RBFOX1: variants seen among roughly 807,000 people sequenced by gnomAD.
RBFOX1 encodes RNA binding protein fox-1 homolog 1.
In RBFOX1, 8 loss-of-function variants were observed where a neutral mutation model predicts 57.7. That is an observed-to-expected ratio of 0.14 (90% CI 0.08 to 0.25). The LOEUF (loss-of-function observed/expected upper bound fraction) is 0.25. RBFOX1 is among the 10% of genes least tolerant of loss of function. The pLI, the probability that RBFOX1 is intolerant of heterozygous loss-of-function variation, is 1.00. For synonymous variants in RBFOX1, 326 were observed against 222.4 expected (o/e 1.47, Z -4.15); for missense variants, 611 against 548.5 (o/e 1.11, Z -1.14).
intron 2 of RBFOX1, among the ~76,000 whole-genome samples, chr16:6,496,413 A>G (rs148059705): frequency 5.3e-5 from 8 of 152,260 alleles, no homozygotes; most frequent in African/African-American, 1.9e-4. Flanking sequence ...GAATAGCTAG[A>G]TTGTGTTTCT....
intron 4 of RBFOX1, among the ~76,000 whole-genome samples, chr16:5,965,727 C>T (rs1256612440): frequency 6.6e-6 from 1 of 152,120 alleles, no homozygotes; most frequent in Non-Finnish European, 1.5e-5. Flanking sequence ...CTAATTTTGC[C>T]TCTGAGTGAG....
At chr16:6,712,370 T>C (rs1286973049) in intron 3 of RBFOX1, among the ~76,000 whole-genome samples, 1 of 152,162 alleles carries the variant, frequency 6.6e-6, no homozygotes, top group African/African-American at 2.4e-5. Flanking sequence ...GTTACGTCTG[T>C]CCTGGGCGTG....
chr16:6,434,037 G>A (rs1395141643), intron 2 of RBFOX1, among the ~76,000 whole-genome samples: 1 of 151,802 alleles, frequency 6.6e-6, no homozygotes, highest in Non-Finnish European at 1.5e-5. Context: ...TCATAGAGAT[G>A]GGGCTTCACC....
intron 2 of RBFOX1, among the ~76,000 whole-genome samples, chr16:6,466,043 A>C (rs2095042257): frequency 6.6e-6 from 1 of 152,048 alleles, no homozygotes; most frequent in Admixed American, 6.6e-5. Flanking sequence ...AGCCTGGTCA[A>C]CATGGTGAAA....
intron 3 of RBFOX1, among the ~76,000 whole-genome samples, chr16:5,782,936 C>T (rs556518376): frequency 2.2e-4 from 34 of 152,248 alleles, no homozygotes; most frequent in African/African-American, 6.5e-4. Flanking sequence ...TATGTAGGCC[C>T]TCCATGGATT....
intron 2 of RBFOX1, among the ~76,000 whole-genome samples, chr16:6,406,211 C>T (rs888945129): frequency 6.6e-6 from 1 of 152,216 alleles, no homozygotes. Flanking sequence ...AAGCATTTCT[C>T]TGGGGACCTC....
chr16:5,297,428 A>G (rs987563254), intron 1 of RBFOX1, among the ~76,000 whole-genome samples: 5 of 152,196 alleles, frequency 3.3e-5, no homozygotes, highest in African/African-American at 1.2e-4. Context: ...TTTTTATCAT[A>G]GTCGTTCTAA....
intron 1 of RBFOX1, among the ~76,000 whole-genome samples, chr16:6,124,088 G>A (rs957152237): frequency 2.0e-5 from 3 of 152,258 alleles, no homozygotes; most frequent in South Asian, 2.1e-4. Flanking sequence ...CTGGTAACTC[G>A]TGGGCTGGAA....
chr16:5,382,072 A>AC (rs2066144512), intron 1 of RBFOX1, among the ~76,000 whole-genome samples: 2 of 151,290 alleles, frequency 1.3e-5, no homozygotes, highest in South Asian at 4.2e-4. Flanking sequence ...GAACAAAATC[A>AC]CCCCCCTGGT....
chr16:7,677,012 G>C (rs113169745), intron 14 of RBFOX1, among the ~76,000 whole-genome samples, 174 bp downstream of exon 14: 113 of 152,170 alleles, frequency 7.4e-4, no homozygotes, highest in African/African-American at 2.5e-3. Flanking sequence ...GAGGGCAAAT[G>C]CTTCAGCCAA....
intron 2 of RBFOX1, among the ~76,000 whole-genome samples, chr16:5,516,646 C>T (rs777802713): frequency 6.6e-6 from 1 of 152,250 alleles, no homozygotes; most frequent in Non-Finnish European, 1.5e-5. Flanking sequence ...CAAATCTCAT[C>T]TTGAGTTATA....
chr16:5,400,078 CTTTTCTTTTTTCT>C (rs1161655599), intron 1 of RBFOX1, among the ~76,000 whole-genome samples: 2 of 151,708 alleles, frequency 1.3e-5, no homozygotes, highest in East Asian at 3.9e-4. Context: ...TTCTTCTTTC[CTTTTCTTTTTTCT>C]TTTCTTTCTT....
chr16:5,687,857 G>T (rs1402362807), intron 3 of RBFOX1, among the ~76,000 whole-genome samples: 1 of 152,152 alleles, frequency 6.6e-6, no homozygotes, highest in African/African-American at 2.4e-5. Flanking sequence ...AGTTACATTT[G>T]TGGTTGGCAT....
intron 4 of RBFOX1, among the ~76,000 whole-genome samples, chr16:6,011,933 C>G (rs1299067305): frequency 2.6e-5 from 4 of 152,194 alleles, no homozygotes; most frequent in African/African-American, 7.2e-5. Context: ...GAGGAGTGAA[C>G]TACAATATTT....
intron 4 of RBFOX1, among the ~76,000 whole-genome samples, chr16:7,153,385 C>T (rs993326320): frequency 3.7e-4 from 57 of 152,172 alleles, no homozygotes; most frequent in African/African-American, 1.3e-3. Context: ...TCTTTCCTTC[C>T]TGTCCCACCT....
At chr16:7,449,953 AG>A (rs1348983998) in intron 4 of RBFOX1, among the ~76,000 whole-genome samples, 1 of 152,128 alleles carries the variant, frequency 6.6e-6, no homozygotes, top group Middle Eastern at 3.2e-3. Flanking sequence ...CTCTGACTGC[AG>A]TAGAAGGATG....
chr16:6,922,361 G>T (rs1355763732), intron 3 of RBFOX1, among the ~76,000 whole-genome samples: 1 of 152,132 alleles, frequency 6.6e-6, no homozygotes, highest in Non-Finnish European at 1.5e-5. Context: ...GCAGCCCCTT[G>T]CAAGCCCACT....
chr16:7,403,363 C>G (rs768678842), intron 4 of RBFOX1, among the ~76,000 whole-genome samples: 1 of 152,140 alleles, frequency 6.6e-6, no homozygotes, highest in African/African-American at 2.4e-5. Flanking sequence ...ATTTTGTATT[C>G]TTTGACTAAC....
intron 1 of RBFOX1, among the ~76,000 whole-genome samples, chr16:6,045,005 G>A (rs1222125905): frequency 6.6e-6 from 1 of 152,176 alleles, no homozygotes; most frequent in Non-Finnish European, 1.5e-5. Context: ...TTTAAAAATA[G>A]CCATGATGCC....
Sources: gnomAD v4.1 joint callset for allele counts (sites outside exome capture counted in the v4.1 genomes callset) on GRCh38, gnomAD v4.1.1 for gene constraint, MANE v1.5 for transcripts, NCBI Gene and HGNC (gene_info 2026-07-23, HGNC 2026-07-21) for gene names.